LIMA1: variants seen among roughly 807,000 people sequenced by gnomAD.
LIMA1 encodes the protein LIM domain and actin binding 1.
A neutral mutation model predicts 62.6 loss-of-function variants in LIMA1; 52 were observed. The observed-to-expected ratio is 0.83, with a 90% confidence interval of 0.67 to 1.05. The LOEUF is 1.05. Among genes scored for constraint, LIMA1 ranks in the 50% least tolerant of loss-of-function variants. The probability of loss-of-function intolerance (pLI) is 0.00; values close to 1 mark genes in which losing one functional copy is unlikely to be tolerated. For missense variants in LIMA1, 780 were observed against 902.2 expected (o/e 0.86, Z 1.74); for synonymous variants, 302 against 317.8 (o/e 0.95, Z 0.53).
intron 1 of LIMA1, among the ~76,000 whole-genome samples, chr12:50,261,042 A>ATATTTTTTTTTTTTTTTTTT (rs1383547189): frequency 3.7e-5 from 2 of 54,294 alleles, no homozygotes; most frequent in African/African-American, 1.4e-4. Flanking sequence ...CATCTAGTAT[A>ATATTTTTTTTTTTTTTTTTT]TTTTTTTTTT....
intron 2 of LIMA1, among the ~76,000 whole-genome samples, chr12:50,239,218 GA>G (rs1187017408): frequency 6.6e-6 from 1 of 151,484 alleles, no homozygotes; most frequent in Non-Finnish European, 1.5e-5. Flanking sequence ...TAAGTCCTTT[GA>G]AAAAAAAGAA....
At chr12:50,236,090 G>C (rs962233585) in intron 2 of LIMA1, among the ~76,000 whole-genome samples, 1 of 151,670 alleles carries the variant, frequency 6.6e-6, no homozygotes, top group Non-Finnish European at 1.5e-5. Context: ...GCCTGAACCC[G>C]GGAGGTGGAG....
intron 4 of LIMA1, among the ~76,000 whole-genome samples, chr12:50,221,512 G>A (rs1941439837): frequency 6.6e-6 from 1 of 152,188 alleles, no homozygotes. Context: ...TTTTGCCTGA[G>A]AGAGGATTTT....
chr12:50,213,623 G>T (rs1941294942), intron 4 of LIMA1, among the ~76,000 whole-genome samples: 1 of 152,212 alleles, frequency 6.6e-6, no homozygotes, highest in Admixed American at 6.5e-5. Flanking sequence ...ACTCACTGAT[G>T]AGTTAGAATG....
chr12:50,211,331 CA>C lies in LIMA1; in HGVS notation c.631-5264del, dbSNP rs34045758. 9.8e-3 allele frequency among the ~76,000 whole-genome samples: 817 copies of C among 83,234 alleles called. 2 individuals are homozygous for C. Among genetic ancestry groups the C allele is most frequent in the Middle Eastern group, 0.032 (3 of 94 alleles). 54.6% of individuals were successfully genotyped at this position (83,234 alleles called of 152,430 possible). A position where few individuals can be genotyped will look rare whatever the true frequency, so the allele number is the denominator to read the frequency against. Reference sequence around the variant, plus strand: ...AGAGCGAAACTCCGCCCCACCCCCCCAAAAAAAAAAAAAAAAAAGAATAACA... The same window carrying C: ...AGAGCGAAACTCCGCCCCACCCCCCCAAAAAAAAAAAAAAAAAGAATAACA... On this transcript the variant is annotated intron_variant, in intron 4 of 10. Coordinates refer to ENST00000341247, the MANE Select transcript of LIMA1 (RefSeq NM_016357.5).
intron 7 of LIMA1, among the ~76,000 whole-genome samples, chr12:50,197,481 G>A (rs961592046): frequency 2.0e-5 from 3 of 151,908 alleles, no homozygotes; most frequent in Non-Finnish European, 1.5e-5. Context: ...AAAACATTGC[G>A]AATTTTAAGG....
intron 1 of LIMA1, among the ~76,000 whole-genome samples, chr12:50,251,321 A>G (rs564691853): frequency 3.3e-5 from 5 of 152,120 alleles, no homozygotes; most frequent in African/African-American, 4.8e-5. Context: ...GAAAAAATAT[A>G]TACAAGATAC....
intron 6 of LIMA1, 51 bp from the exon 7 acceptor site, chr12:50,200,935 T>C (rs1336891788): frequency 1.2e-6 from 2 of 1,601,090 alleles, no homozygotes; most frequent in African/African-American, 1.3e-5. Context: ...CATCATTCTG[T>C]TCTCTTCATA....
chr12:50,230,866 C>T (rs764472334), intron 3 of LIMA1, among the ~76,000 whole-genome samples: 8 of 152,172 alleles, frequency 5.3e-5, no homozygotes, highest in African/African-American at 1.4e-4. Context: ...CGTGAGCCAC[C>T]GCACCCGGCC....
At chr12:50,262,223 C>T (rs541556996) in intron 1 of LIMA1, among the ~76,000 whole-genome samples, 15 of 152,046 alleles carry the variant, frequency 9.9e-5, no homozygotes, top group African/African-American at 3.6e-4. Context: ...GTAACAAAGC[C>T]AAATAGTAAT....
chr12:50,231,733 A>G, intron 2 of LIMA1, 23 bp from the exon 3 acceptor site: 2 of 1,603,674 alleles, frequency 1.2e-6, no homozygotes, highest in Non-Finnish European at 1.7e-6. Flanking sequence ...GAAGGAAAGA[A>G]TGTCTCAAAT....
In LIMA1 at chr12:50,198,669, C is replaced by T. The variant is rs528334879; in HGVS notation, c.972+2108G>A. Reference sequence around the variant, plus strand: ...GCGTCAAGGGTGTCAATAAGTGTAACAGAAGCAATGGCTTTTCTCCTAAGA... The same window carrying T: ...GCGTCAAGGGTGTCAATAAGTGTAATAGAAGCAATGGCTTTTCTCCTAAGA... On this transcript the variant is annotated intron_variant, in intron 7 of 10. Coordinates refer to ENST00000341247, the MANE Select transcript of LIMA1 (RefSeq NM_016357.5). Among the ~76,000 whole-genome samples the T allele has an allele frequency of 3.3e-5, 5 of 152,302 alleles. No homozygotes were observed. In the South Asian group the frequency reaches 8.3e-4, roughly 25 times the overall value.
chr12:50,231,776 T>A, intron 2 of LIMA1, 66 bp from the exon 3 acceptor site: 2 of 1,506,616 alleles, frequency 1.3e-6, no homozygotes, highest in Non-Finnish European at 1.8e-6. Context: ...CAATTTTTTA[T>A]CTTTTTTTGA....
intron 1 of LIMA1, among the ~76,000 whole-genome samples, chr12:50,282,869 T>C (rs1942356570): frequency 6.6e-6 from 1 of 152,110 alleles, no homozygotes; most frequent in Admixed American, 6.6e-5. Flanking sequence ...CCAACATATG[T>C]CGGGGGCAAG....
intron 1 of LIMA1, among the ~76,000 whole-genome samples, chr12:50,250,126 C>T (rs1294701393): frequency 6.6e-6 from 1 of 151,722 alleles, no homozygotes; most frequent in African/African-American, 2.4e-5. Flanking sequence ...TGGTGAAATC[C>T]TGTCTCTACT....
At chr12:50,267,176 T>C (rs530108723) in intron 1 of LIMA1, among the ~76,000 whole-genome samples, 44 of 152,124 alleles carry the variant, frequency 2.9e-4, no homozygotes, top group African/African-American at 9.9e-4. Context: ...TTCACGCCAT[T>C]CTTCTGCCTC....
intron 1 of LIMA1, among the ~76,000 whole-genome samples, chr12:50,257,342 T>C (rs1942009752): frequency 6.6e-6 from 1 of 152,116 alleles, no homozygotes; most frequent in Non-Finnish European, 1.5e-5. Context: ...CAGATGATGT[T>C]GAAGGCCGAA....
At position 50,218,955 on chromosome 12, in the gene LIMA1, T is replaced by A. The variant is rs146330216; in HGVS notation, c.630+3066A>T. Among the ~76,000 whole-genome samples, 5 of 151,824 alleles carry A rather than the reference T, an allele frequency of 3.3e-5. No individual in the cohort carries two copies. In the East Asian group the frequency reaches 9.7e-4, roughly 29 times the overall value. ...ATTTCAAACAATAACAGCAGTTTAATTCTTCCTTTGGAATCTAGGTAAAAC... is the reference window on the plus strand; with the variant it reads ...ATTTCAAACAATAACAGCAGTTTAAATCTTCCTTTGGAATCTAGGTAAAAC... On this transcript the variant is annotated intron_variant, in intron 4 of 10. Transcript: ENST00000341247.
At chr12:50,261,321 G>C (rs1379954004) in intron 1 of LIMA1, among the ~76,000 whole-genome samples, 2 of 151,660 alleles carry the variant, frequency 1.3e-5, no homozygotes, top group East Asian at 3.9e-4. Flanking sequence ...CCAAGTGCTG[G>C]GATTAGAGGC....
Sources: allele counts gnomAD v4.1 joint callset (sites outside exome capture counted in the v4.1 genomes callset), GRCh38; gene constraint gnomAD v4.1.1; transcripts MANE v1.5; gene names NCBI Gene and HGNC (gene_info 2026-07-23, HGNC 2026-07-21).